Variants in CREM observed in about 807,000 individuals in gnomAD.
The protein encoded by CREM is cAMP responsive element modulator, also known as cAMP-responsive element modulator.
A neutral mutation model predicts 37.3 loss-of-function variants in CREM; 13 were observed. The observed-to-expected ratio is 0.35, with a 90% CI of 0.23 to 0.55. CREM has a LOEUF of 0.55. Among genes scored for constraint, CREM ranks in the 20% least tolerant of loss-of-function variants. The pLI, the probability that CREM is intolerant of heterozygous loss-of-function variation, is 0.88. For synonymous variants in CREM, 124 were observed against 120.2 expected, an observed-to-expected ratio of 1.03 and a Z score of -0.21; for missense variants, 296 against 362.3, an observed-to-expected ratio of 0.82 and a Z score of 1.49.
rs118051486 is a variant in CREM at position 35,137,274 on chromosome 10, A to T, written c.-54-508A>T. 4.8e-4 allele frequency among the ~76,000 whole-genome samples: 73 copies of T among 152,354 alleles called. No individual in the cohort carries two copies. In the East Asian group the frequency reaches 0.014, roughly 29 times the overall value. On this transcript the variant is annotated intron_variant, in intron 1 of 7. Coordinates refer to ENST00000685392, the MANE Select transcript of CREM (RefSeq NM_183011.2). ...AGGCTATCAGAAGGACGTTTTGAAT[A>T]AACTTATTTTGTTTGGAGTTTAATT...
At chr10:35,197,302 C>G (rs2095226340) in intron 6 of CREM, among the ~76,000 whole-genome samples, 1 of 152,024 alleles carries the variant, frequency 6.6e-6, no homozygotes, top group Non-Finnish European at 1.5e-5. Context: ...CAACTTAAAA[C>G]ACTTTTTCAC....
chr10:35,211,353 G>A lies in CREM; in HGVS notation c.855G>A (p.Glu285=). 2 of 1,614,118 alleles carry A rather than the reference G, an allele frequency of 1.2e-6. No homozygotes were observed. Among genetic ancestry groups the A allele is most frequent in the Non-Finnish European group, 1.7e-6 (2 of 1,180,008 alleles). The change falls in exon 8 of 8, where the codon GAG becomes GAA. Residue 285 remains glutamate, a synonymous_variant. Coordinates refer to ENST00000685392, the MANE Select transcript of CREM (RefSeq NM_183011.2). ...VLENQNKTLI[E]ELKALKDLYC... The stretch of plus-strand genomic sequence containing the variant: ...AAAACCAAAACAAGACTCTCATTGA[G>A]GAACTCAAGGCCCTCAAAGATCTTT...
At chr10:35,162,995 G>C (rs1475601627) in intron 3 of CREM, among the ~76,000 whole-genome samples, 1 of 151,748 alleles carries the variant, frequency 6.6e-6, no homozygotes, top group Admixed American at 6.6e-5. Flanking sequence ...AGGATTACTT[G>C]AGCCCAGGAG....
intron 7 of CREM, among the ~76,000 whole-genome samples, chr10:35,209,135 C>T (rs1281707724): frequency 6.6e-6 from 1 of 152,172 alleles, no homozygotes; most frequent in East Asian, 1.9e-4. Flanking sequence ...CATCAGGCAT[C>T]TCAAAAATAC....
intron 3 of CREM, among the ~76,000 whole-genome samples, chr10:35,165,070 A>AT (rs199661091): frequency 0.014 from 2,048 of 150,582 alleles, 62 homozygotes; most frequent in African/African-American, 0.045. Context: ...AAAAAAAAAA[A>AT]AAAAAAAAGA....
At chr10:35,134,092 G>C (rs1237093473) in intron 1 of CREM, among the ~76,000 whole-genome samples, 2 of 150,942 alleles carry the variant, frequency 1.3e-5, no homozygotes, top group Non-Finnish European at 2.9e-5. Context: ...TGTTGCCCTG[G>C]CTGGAGTGCA....
intron 2 of CREM, among the ~76,000 whole-genome samples, chr10:35,141,243 GA>G (rs1426393344): frequency 6.6e-6 from 1 of 152,226 alleles, no homozygotes; most frequent in African/African-American, 2.4e-5. Flanking sequence ...CTCAATAAAT[GA>G]TGGTTATAGT....
intron 5 of CREM, among the ~76,000 whole-genome samples, chr10:35,183,129 T>C (rs989647070): frequency 1.2e-4 from 18 of 152,148 alleles, no homozygotes; most frequent in Admixed American, 7.9e-4. Flanking sequence ...TCAGTTTTTT[T>C]CCCACAAATG....
In CREM at chr10:35,141,176, T is replaced by G. The variant is rs948208537; in HGVS notation, c.44+3297T>G. ...TTGCCCAGGCTGGAAGAACTGATGA[T>G]AGTGATCTTATAGAGTTGTTAATCA... On this transcript the variant is annotated intron_variant, in intron 2 of 7. Transcript: ENST00000685392. Among the ~76,000 whole-genome samples, 6 of 152,326 alleles carry G rather than the reference T, an allele frequency of 3.9e-5. No individual in the cohort carries two copies. The East Asian group carries it at 5.8e-4, about 15-fold the overall frequency.
intron 6 of CREM, chr10:35,195,754 C>T: frequency 2.2e-6 from 1 of 450,340 alleles, no homozygotes; most frequent in African/African-American, 2.0e-5. Context: ...ATGGTCTGTT[C>T]AGCTAATTGA....
At chr10:35,200,421 A>G (rs1379831267) in intron 6 of CREM, among the ~76,000 whole-genome samples, 1 of 152,228 alleles carries the variant, frequency 6.6e-6, no homozygotes, top group Non-Finnish European at 1.5e-5. Context: ...ATACACTTTG[A>G]GTATATACAG....
At chr10:35,156,622 A>G (rs566465856) in intron 3 of CREM, among the ~76,000 whole-genome samples, 7 of 152,330 alleles carry the variant, frequency 4.6e-5, no homozygotes, top group African/African-American at 1.4e-4. Flanking sequence ...ATTAAGAATT[A>G]TATTTGGAAA....
chr10:35,200,081 G>T (rs1304477177), intron 6 of CREM, among the ~76,000 whole-genome samples: 2 of 151,762 alleles, frequency 1.3e-5, no homozygotes, highest in African/African-American at 2.4e-5. Context: ...TAGAGACAGG[G>T]TTTCACCATT....
At chr10:35,200,927 G>A (rs1245476147) in intron 6 of CREM, among the ~76,000 whole-genome samples, 1 of 152,006 alleles carries the variant, frequency 6.6e-6, no homozygotes, top group African/African-American at 2.4e-5. Context: ...GTTTCACTTT[G>A]GAAGTTACCA....
chr10:35,189,684 T>G (rs947102592), intron 6 of CREM, among the ~76,000 whole-genome samples: 3 of 151,988 alleles, frequency 2.0e-5, no homozygotes, highest in Non-Finnish European at 4.4e-5. Context: ...CCCGGCTAAT[T>G]TATTGTATTT....
intron 2 of CREM, among the ~76,000 whole-genome samples, chr10:35,139,848 T>C (rs535099794): frequency 4.6e-5 from 7 of 152,362 alleles, no homozygotes; most frequent in African/African-American, 1.4e-4. Context: ...GGCTGATTTA[T>C]AGATGTTAAT....
intron 6 of CREM, among the ~76,000 whole-genome samples, chr10:35,194,959 G>A (rs528246229): frequency 6.6e-6 from 1 of 152,058 alleles, no homozygotes; most frequent in Non-Finnish European, 1.5e-5. Flanking sequence ...AGATTTCTAT[G>A]TAAAAATGAG....
chr10:35,195,629 C>T (rs1484350757), intron 6 of CREM, among the ~76,000 whole-genome samples: 1 of 152,128 alleles, frequency 6.6e-6, no homozygotes, highest in Admixed American at 6.6e-5. Flanking sequence ...ACAGTATATA[C>T]CGTTCATGTT....
intron 6 of CREM, chr10:35,195,125 T>C (rs2095095945): frequency 6.3e-7 from 1 of 1,575,330 alleles, no homozygotes; most frequent in Admixed American, 1.7e-5. Context: ...TGCTTGCTAA[T>C]TTGGAACACT....
Sources: gnomAD v4.1 joint callset for allele counts (sites outside exome capture counted in the v4.1 genomes callset) on GRCh38, gnomAD v4.1.1 for gene constraint, MANE v1.5 for transcripts, NCBI Gene and HGNC (gene_info 2026-07-23, HGNC 2026-07-21) for gene names.